NAA30: variants seen among roughly 807,000 people sequenced by gnomAD.
The protein encoded by NAA30 is N-alpha-acetyltransferase 30, NatC catalytic subunit, also known as N-alpha-acetyltransferase 30.
Under a neutral mutation model 31.4 loss-of-function variants are expected in NAA30, and 5 were observed. The observed-to-expected ratio is 0.16, with a 90% CI of 0.08 to 0.33. The LOEUF is 0.33. Ranked by LOEUF, NAA30 falls within the 10% of genes least tolerant of loss-of-function variation. NAA30 has a pLI of 1.00. For synonymous variants in NAA30, 222 were observed against 207.1 expected (o/e 1.07, Z -0.62); for missense variants, 428 against 490.8 (o/e 0.87, Z 1.21).
Position 57,401,958 on chromosome 14 carries a change from T to A in NAA30, c.951+2075T>A, listed in dbSNP as rs900465769. Reference sequence around the variant, plus strand: ...GAAACAATGAATGTTACTTAATCTTTAGGCTGACATCAGGGATAGCTTTGT... The same window carrying A: ...GAAACAATGAATGTTACTTAATCTTAAGGCTGACATCAGGGATAGCTTTGT... On this transcript the variant is annotated intron_variant, in intron 4 of 4. Coordinates refer to ENST00000556492, the MANE Select transcript of NAA30 (RefSeq NM_001011713.3). 2.0e-5 allele frequency among the ~76,000 whole-genome samples: 3 copies of A among 152,250 alleles called. No homozygotes were observed. The East Asian group carries it at 5.8e-4, about 29-fold the overall frequency.
intron 4 of NAA30, among the ~76,000 whole-genome samples, chr14:57,407,225 G>A (rs147334309): frequency 3.3e-5 from 5 of 152,158 alleles, no homozygotes; most frequent in East Asian, 1.9e-4. Context: ...AGAAATTGAC[G>A]TTTACTTAAA....
chr14:57,397,092 T>G (rs544088909), intron 3 of NAA30, among the ~76,000 whole-genome samples: 1 of 152,358 alleles, frequency 6.6e-6, no homozygotes, highest in African/African-American at 2.4e-5. Context: ...GTTTTTCGTT[T>G]TAACAAGTAG....
intron 2 of NAA30, among the ~76,000 whole-genome samples, chr14:57,393,740 G>GT (rs993772852): frequency 1.3e-5 from 2 of 151,952 alleles, no homozygotes; most frequent in African/African-American, 4.8e-5. Context: ...GTTTTGTTTT[G>GT]TTTTTTGATT....
Position 57,391,787 on chromosome 14 carries a change from G to C in NAA30, c.771+59G>C. 7.2e-7 allele frequency: 1 copy of C among 1,392,124 alleles called. No homozygotes were observed. Among genetic ancestry groups the C allele is most frequent in the Non-Finnish European group, 9.8e-7 (1 of 1,018,054 alleles). 86.2% of individuals were successfully genotyped at this position (1,392,124 alleles called of 1,614,324 possible). A position where few individuals can be genotyped will look rare whatever the true frequency, so the allele number is the denominator to read the frequency against. On this transcript the variant is annotated intron_variant, in intron 2 of 4. Transcript: ENST00000556492. The surrounding 1 kb of genome is among the most constrained non-coding windows in gnomAD (Gnocchi z 4.1). ...GCAGTGATCGAGACTGTGCGGGGCA[G>C]GGAGTGAGGGCCCAGAATGTGGCAG...
At position 57,398,355 on chromosome 14, in the gene NAA30, C is replaced by T. The variant is rs2066459892; in HGVS notation, c.896-1473C>T. The stretch of plus-strand genomic sequence containing the variant: ...GTTTGGCTAGTTTGGAGGGCAGAAA[C>T]CAGTGGCTTTTGGGTTGCATCCTGG... On this transcript the variant is annotated intron_variant, in intron 3 of 4. Coordinates refer to ENST00000556492, the MANE Select transcript of NAA30 (RefSeq NM_001011713.3). Among the ~76,000 whole-genome samples, 3 of 152,254 alleles carry T rather than the reference C, an allele frequency of 2.0e-5. 1 individual carries two copies. In the South Asian group the frequency reaches 6.2e-4, roughly 32 times the overall value.
At chr14:57,404,931 A>G (rs1262933486) in intron 4 of NAA30, among the ~76,000 whole-genome samples, 1 of 152,212 alleles carries the variant, frequency 6.6e-6, no homozygotes, top group Admixed American at 6.5e-5. Flanking sequence ...GCCAAACAGT[A>G]TCACACATCC....
intron 4 of NAA30, among the ~76,000 whole-genome samples, chr14:57,407,002 C>G (rs1484410632): frequency 1.3e-5 from 2 of 152,094 alleles, no homozygotes; most frequent in African/African-American, 4.8e-5. Context: ...AAGTGATCCT[C>G]CCACCTCTGC....
Position 57,398,037 on chromosome 14 carries a change from T to TA in NAA30, c.895+1170dup, listed in dbSNP as rs1175713157. Among the ~76,000 whole-genome samples the TA allele has an allele frequency of 5.3e-5, 8 of 152,214 alleles. No homozygotes were observed. In the South Asian group the frequency reaches 1.5e-3, roughly 28 times the overall value. ...GTGATGTGCTTTAGCTGAGTATTCATAAAAAAAAGTTTAATACCTGTACCA... is the reference window on the plus strand; with the variant it reads ...GTGATGTGCTTTAGCTGAGTATTCATAAAAAAAAAGTTTAATACCTGTACCA... On this transcript the variant is annotated intron_variant, in intron 3 of 4. Coordinates refer to ENST00000556492, the MANE Select transcript of NAA30 (RefSeq NM_001011713.3).
intron 4 of NAA30, among the ~76,000 whole-genome samples, chr14:57,404,657 G>A (rs1261034672): frequency 6.6e-6 from 1 of 152,140 alleles, no homozygotes; most frequent in Non-Finnish European, 1.5e-5. Flanking sequence ...TACCACGTTG[G>A]ATTTACAGTT....
At chr14:57,408,016 C>G (rs900259755) in intron 4 of NAA30, among the ~76,000 whole-genome samples, 2 of 151,980 alleles carry the variant, frequency 1.3e-5, no homozygotes, top group African/African-American at 2.4e-5. Flanking sequence ...GGGGGGTGAT[C>G]CTGTTTACTG....
rs748769993 is a variant in NAA30 at position 57,391,644 on chromosome 14, A to G, written c.687A>G (p.Arg229=). 9 of 1,614,090 alleles carry G rather than the reference A, an allele frequency of 5.6e-6. No individual in the cohort carries two copies. The Middle Eastern group carries it at 4.9e-4, about 88-fold the overall frequency. The change falls in exon 2 of 5, where the codon AGA becomes AGG. Residue 229 remains arginine (R), a synonymous_variant. Coordinates refer to ENST00000556492, the MANE Select transcript of NAA30 (RefSeq NM_001011713.3). The surrounding 1 kb of genome is among the most constrained non-coding windows in gnomAD (Gnocchi z 4.1). ...ESELQMPDIM[R]LITKDLSEPY... The stretch of plus-strand genomic sequence containing the variant: ...AGCTACAAATGCCCGATATCATGAG[A>G]CTGATCACCAAAGATCTGTCCGAAC...
In NAA30 at chr14:57,391,195, G is replaced by GAGC; in HGVS notation, c.248_250dup (p.Gln83dup). On this transcript the variant is annotated inframe_insertion, in exon 2 of 5. Coordinates refer to ENST00000556492, the MANE Select transcript of NAA30 (RefSeq NM_001011713.3). The surrounding 1 kb of genome is among the most constrained non-coding windows in gnomAD (Gnocchi z 4.1). Reference sequence around the variant, plus strand: ...CCTCCGCTGCCCTCAGCCGCCGCAGGAGCAGCAGCAGCTCAACGGATTGAT... The same window carrying GAGC: ...CCTCCGCTGCCCTCAGCCGCCGCAGGAGCAGCAGCAGCAGCTCAACGGATTGAT... The GAGC allele has an allele frequency of 2.5e-6, 4 of 1,611,460 alleles. No individual in the cohort carries two copies. The highest frequency in any genetic ancestry group is 1.1e-5 in the South Asian group (1 of 91,040).
chr14:57,398,911 A>G (rs1473698326), intron 3 of NAA30, among the ~76,000 whole-genome samples: 1 of 152,120 alleles, frequency 6.6e-6, no homozygotes, highest in Non-Finnish European at 1.5e-5. Context: ...TGCTGGGATT[A>G]TAGGCTGAGC....
Position 57,396,612 on chromosome 14 carries a change from C to T in NAA30, c.772-140C>T. ...TAGGGGATTTAGATTTCTGAAACTT[C>T]TGTGACTGCTGTCTTGCAAGAGTTC... On this transcript the variant is annotated intron_variant, in intron 2 of 4. Coordinates refer to ENST00000556492, the MANE Select transcript of NAA30 (RefSeq NM_001011713.3). 3 of 734,138 alleles carry T rather than the reference C, an allele frequency of 4.1e-6. No homozygotes were observed. In the South Asian group the frequency reaches 6.7e-5, roughly 16 times the overall value. The allele number at this position is 734,138 out of a possible 1,614,324, so 45.5% of individuals were successfully genotyped here.
intron 3 of NAA30, among the ~76,000 whole-genome samples, chr14:57,398,852 G>A (rs916844192): frequency 2.6e-5 from 4 of 152,074 alleles, no homozygotes; most frequent in African/African-American, 9.7e-5. Context: ...GGCCAGGCTG[G>A]TCTTGAACTC....
chr14:57,408,972 T>A (rs574853014), intron 4 of NAA30, among the ~76,000 whole-genome samples: 1 of 152,240 alleles, frequency 6.6e-6, no homozygotes, highest in South Asian at 2.1e-4. Flanking sequence ...AATACAGAAG[T>A]TGGAAGTCAA....
chr14:57,407,888 C>A (rs1310219490), intron 4 of NAA30, among the ~76,000 whole-genome samples: 2 of 152,016 alleles, frequency 1.3e-5, no homozygotes, highest in African/African-American at 4.8e-5. Flanking sequence ...AAGAGGACCA[C>A]TTAGAGATTT....
rs2066531407 is a variant in NAA30, at chr14:57,413,209, A to G, written c.*3693A>G. 1 of 151,824 alleles carries G rather than the reference A, an allele frequency of 6.6e-6. No homozygotes were observed. The highest frequency in any genetic ancestry group is 1.5e-5 in the Non-Finnish European group (1 of 67,968). 9.4% of individuals were successfully genotyped at this position (151,824 alleles called of 1,614,324 possible). A position where few individuals can be genotyped will look rare whatever the true frequency, so the allele number is the denominator to read the frequency against. On this transcript the variant is annotated 3_prime_UTR_variant, in exon 5 of 5. Transcript: ENST00000556492. ...CCCTGTCTTGTGAGGAGCTTTAAAT[A>G]GCTGTGAATACTTCTGTATGTCAAG...
intron 4 of NAA30, among the ~76,000 whole-genome samples, chr14:57,403,992 T>TTTTTGTTTTG (rs552161692): frequency 2.0e-5 from 3 of 152,130 alleles, no homozygotes; most frequent in African/African-American, 7.2e-5. Context: ...TTCAAGGTTG[T>TTTTTGTTTTG]TTTTGTTTTG....
Sources: allele counts gnomAD v4.1 joint callset (sites outside exome capture counted in the v4.1 genomes callset), GRCh38; gene constraint gnomAD v4.1.1; non-coding constraint Gnocchi (gnomAD v3.1); transcripts MANE v1.5; gene names NCBI Gene and HGNC (gene_info 2026-07-23, HGNC 2026-07-21).